CTSE: variants seen among roughly 807,000 people sequenced by gnomAD.
CTSE encodes cathepsin E, also known as erythrocyte membrane aspartic proteinase.
Under a neutral mutation model 42.8 loss-of-function variants are expected in CTSE, and 43 were observed. The observed-to-expected ratio is 1.01, with a 90% CI of 0.79 to 1.30. CTSE has a LOEUF of 1.30. Ranked by LOEUF, CTSE falls within the 50% of genes most tolerant of loss-of-function variation. CTSE has a pLI of 0.00. For synonymous variants in CTSE, 205 were observed against 191.5 expected, an observed-to-expected ratio of 1.07 and a Z score of -0.58; for missense variants, 532 against 493.5, an observed-to-expected ratio of 1.08 and a Z score of -0.74.
At chr1:206,022,349 C>A in intron 2 of CTSE, 82 bp from the exon 3 acceptor site, 1 of 946,596 alleles carries the variant, frequency 1.1e-6, no homozygotes, top group South Asian at 1.6e-5. Context: ...GGGGAAAGCT[C>A]CCAGGGGCCA....
chr1:206,016,274 GCT>G, intron 4 of CTSE, 144 bp from the exon 5 acceptor site: 1 of 717,956 alleles, frequency 1.4e-6, no homozygotes, highest in Non-Finnish European at 2.4e-6. Flanking sequence ...AAAGATGCTT[GCT>G]ATATTCCCAA....
chr1:206,019,272 T>C (rs1483931656), intron 4 of CTSE, among the ~76,000 whole-genome samples: 1 of 152,078 alleles, frequency 6.6e-6, no homozygotes, highest in Admixed American at 6.6e-5. Flanking sequence ...AGCAGCAGTC[T>C]ACAGTTTGCA....
At position 206,021,159 on chromosome 1, in the gene CTSE, T is replaced by C. The variant is rs781879218; in HGVS notation, c.352A>G (p.Ser118Gly). The C allele has an allele frequency of 8.7e-6, 14 of 1,611,318 alleles. No individual in the cohort carries two copies. Among genetic ancestry groups the C allele is most frequent in the Admixed American group, 8.3e-5 (5 of 60,000 alleles). Residue 118 changes from serine (S) to glycine (G), a missense_variant, in exon 4 of 9, where the codon AGC (serine) becomes GGC (glycine). By Grantham distance (56) the Ser-to-Gly change is moderately conservative. Transcript: ENST00000358184. ...YCTSPACKTH[S>G]RFQPSQSSTY... ...CTGGACTGGGAAGGCTGGAACCTGCTGTGCGTCTCTGGAAAGAAGTGCACT... is the reference window on the plus strand; with the variant it reads ...CTGGACTGGGAAGGCTGGAACCTGCCGTGCGTCTCTGGAAAGAAGTGCACT...
chr1:206,022,319 G>A (rs1661464004), intron 2 of CTSE, 52 bp from the exon 3 acceptor site: 2 of 1,353,996 alleles, frequency 1.5e-6, no homozygotes, highest in South Asian at 2.6e-5. Flanking sequence ...GGAGGGACAA[G>A]GGTGCTCACC....
In CTSE at chr1:206,023,819, T is replaced by C; in HGVS notation, c.-28A>G. The stretch of plus-strand genomic sequence containing the variant: ...TGAGTCCGACCAGCAGCTTCTCCCT[T>C]GCCCCCTCCTTTCTTCTCTCCCCGA... On this transcript the variant is annotated 5_prime_UTR_variant, in exon 1 of 9. Coordinates refer to ENST00000358184, the MANE Select transcript of CTSE (RefSeq NM_001910.4). 7 of 1,610,708 alleles carry C rather than the reference T, an allele frequency of 4.3e-6. No homozygotes were observed. The highest frequency in any genetic ancestry group is 1.3e-5 in the African/African-American group (1 of 74,964).
chr1:206,017,147 C>T (rs372336749), intron 4 of CTSE, among the ~76,000 whole-genome samples: 5 of 152,072 alleles, frequency 3.3e-5, no homozygotes, highest in African/African-American at 4.8e-5. Flanking sequence ...GTAGAGTTCT[C>T]GCACATTTTT....
chr1:206,022,275 G>C lies in CTSE; in HGVS notation c.226-8C>G, dbSNP rs1661462584. On this transcript the variant is annotated splice_region_variant and splice_polypyrimidine_tract_variant and intron_variant, in intron 2 of 8. Coordinates refer to ENST00000358184, the MANE Select transcript of CTSE (RefSeq NM_001910.4). ...AGTGCCGAAGTATTCCATCTGCAAG[G>C]AAGAGTGAGAAGGAAAGAGGGTGTG... 1.9e-6 allele frequency: 3 copies of C among 1,584,892 alleles called. No homozygotes were observed. The highest frequency in any genetic ancestry group is 2.6e-6 in the Non-Finnish European group (3 of 1,156,764).
intron 5 of CTSE, 36 bp downstream of exon 5, chr1:206,015,895 A>G (rs1311508984): frequency 6.3e-7 from 1 of 1,595,710 alleles, no homozygotes; most frequent in Admixed American, 1.7e-5. Flanking sequence ...CTGTAGTTAT[A>G]ACTGACTTTA....
intron 5 of CTSE, 41 bp from the exon 6 acceptor site, chr1:206,013,935 G>T: frequency 6.2e-7 from 1 of 1,608,666 alleles, no homozygotes; most frequent in Non-Finnish European, 8.5e-7. Context: ...AAGGGCCACT[G>T]CAAAACTCTA....
chr1:206,021,197 G>T, intron 3 of CTSE, 30 bp from the exon 4 acceptor site: 1 of 1,539,276 alleles, frequency 6.5e-7, no homozygotes, highest in Non-Finnish European at 9.0e-7. Context: ...TCTTGCTTAT[G>T]CCATCGGCTC....
intron 4 of CTSE, among the ~76,000 whole-genome samples, chr1:206,019,833 A>G (rs1661363254): frequency 7.3e-6 from 1 of 137,730 alleles, no homozygotes; most frequent in Admixed American, 7.6e-5. Flanking sequence ...ATGTTAATCT[A>G]TTATATAATA....
chr1:206,023,881 T>C lies in CTSE; in HGVS notation c.-90A>G. The C allele has an allele frequency of 7.8e-7, 1 of 1,285,032 alleles. No individual in the cohort carries two copies. Among genetic ancestry groups the C allele is most frequent in the Admixed American group, 1.8e-5 (1 of 55,216 alleles). 79.6% of individuals were successfully genotyped at this position (1,285,032 alleles called of 1,614,324 possible). The stretch of plus-strand genomic sequence containing the variant: ...ACGGACTTTCCCTAACTCTCAGACC[T>C]GCCCAGCCCAGTCTGAGGGCCGAAT... On this transcript the variant is annotated 5_prime_UTR_variant, in exon 1 of 9. Coordinates refer to ENST00000358184, the MANE Select transcript of CTSE (RefSeq NM_001910.4).
chr1:206,020,934 G>T (rs1456458380), intron 4 of CTSE, 115 bp downstream of exon 4: 10 of 756,286 alleles, frequency 1.3e-5, no homozygotes, highest in Non-Finnish European at 2.3e-5. Flanking sequence ...TCTCCTAGAA[G>T]TTAGTGCTAA....
rs375779167 is a variant in CTSE, at chr1:206,010,261, C to T, written c.1113G>A (p.Gly371=). The T allele has an allele frequency of 5.0e-6, 8 of 1,613,716 alleles. No homozygotes were observed. Among genetic ancestry groups the T allele is most frequent in the Non-Finnish European group, 6.8e-6 (8 of 1,179,784 alleles). The stretch of plus-strand genomic sequence containing the variant: ...AGTAAAACTGTCGAATGAAGACATC[C>T]CCCAGGATCCAGAGGGGCCCAGCTG... ...HPPAGPLWIL[G]DVFIRQFYSV... Residue 371 remains glycine (G), a synonymous_variant, in exon 9 of 9, where the codon GGG becomes GGA. Transcript: ENST00000358184.
In CTSE at chr1:206,021,088, G is replaced by C; in HGVS notation, c.423C>G (p.Thr141=). 6.2e-7 allele frequency: 1 copy of C among 1,613,510 alleles called. No individual in the cohort carries two copies. The highest frequency in any genetic ancestry group is 1.1e-5 in the South Asian group (1 of 91,074). Residue 141 remains threonine (T), a synonymous_variant, in exon 4 of 9, where the codon ACC becomes ACG. Coordinates refer to ENST00000358184, the MANE Select transcript of CTSE (RefSeq NM_001910.4). ...CTCCAATGATCCCGGACAAGCTCCC[G>C]GTTCCATACTGAATGGAGAAAGATT... is the stretch of plus-strand genomic sequence containing the variant. ...PGQSFSIQYG[T]GSLSGIIGAD...
At chr1:206,012,024 C>T (rs1004880769) in intron 8 of CTSE, among the ~76,000 whole-genome samples, 2 of 152,136 alleles carry the variant, frequency 1.3e-5, no homozygotes, top group Non-Finnish European at 2.9e-5. Context: ...GGAGATTAAA[C>T]TTTGTCAGTG....
At chr1:206,016,208 CCT>C (rs1418696547) in intron 4 of CTSE, 78 bp from the exon 5 acceptor site, 3 of 1,382,942 alleles carry the variant, frequency 2.2e-6, no homozygotes, top group Non-Finnish European at 3.1e-6. Context: ...CCTGGATTTT[CCT>C]CTGTCTTGAA....
rs1661472862 is a variant in CTSE at position 206,022,605 on chromosome 1, T to C, written c.225+296A>G. On this transcript the variant is annotated intron_variant, in intron 2 of 8. Coordinates refer to ENST00000358184, the MANE Select transcript of CTSE (RefSeq NM_001910.4). ...GCTGGGAGAGGTTAAGTAACTTGCC[T>C]AAGGGTACACAGCCAGTAAGCTGCC... 2.0e-5 allele frequency among the ~76,000 whole-genome samples: 3 copies of C among 151,978 alleles called. No individual in the cohort carries two copies. The South Asian group carries it at 6.2e-4, about 32-fold the overall frequency.
At chr1:206,021,449 C>T in intron 3 of CTSE, 1 of 356,252 alleles carries the variant, frequency 2.8e-6, no homozygotes, top group Non-Finnish European at 5.1e-6. Flanking sequence ...TATCAGGCGC[C>T]AGCCACAGTC....
Sources: allele counts gnomAD v4.1 joint callset (sites outside exome capture counted in the v4.1 genomes callset), GRCh38; gene constraint gnomAD v4.1.1; transcripts MANE v1.5; gene names NCBI Gene and HGNC (gene_info 2026-07-23, HGNC 2026-07-21).